The following USF1 variants were observed in gnomAD, a reference collection of about 807,000 sequenced individuals.
USF1 encodes the protein upstream stimulatory factor 1.
In USF1, 22 loss-of-function variants were observed where a neutral mutation model predicts 46.3. That is an observed-to-expected ratio of 0.47 (90% CI 0.34 to 0.68). USF1 has a LOEUF of 0.68. USF1 is among the 30% of genes least tolerant of loss of function. USF1 has a pLI of 0.01. For missense variants in USF1, 287 were observed against 399.3 expected, an observed-to-expected ratio of 0.72 and a Z score of 2.40; for synonymous variants, 150 against 147.0, an observed-to-expected ratio of 1.02 and a Z score of -0.15.
rs762149343 is a variant in USF1, at chr1:161,042,210, T to C, written c.182A>G (p.Tyr61Cys). 6.2e-7 allele frequency: 1 copy of C among 1,613,392 alleles called. No homozygotes were observed. Among genetic ancestry groups the C allele is most frequent in the South Asian group, 1.1e-5 (1 of 91,004 alleles). ...FRTENGGQVM[Y>C]RVIQVSEGQL... ...CCCCTCAGACACCTGGATCACCCTG[T>C]ACATCACCTAGAAGTGTAGAGGAAG... Residue 61 changes from tyrosine (Y) to cysteine (C), a missense_variant, in exon 5 of 11, where the codon TAC becomes TGC. Tyr to Cys is a radical substitution (Grantham distance 194). Transcript: ENST00000368021.
rs1000010156 is a variant in USF1 at position 161,040,145 on chromosome 1, A to G, written c.843+57T>C. The G allele has an allele frequency of 1.8e-5, 29 of 1,611,180 alleles. 1 individual carries two copies. In the African/African-American group the frequency reaches 3.7e-4, roughly 21 times the overall value. On this transcript the variant is annotated intron_variant, in intron 10 of 10. Transcript: ENST00000368021. This position sits in a 1 kb window ranked among gnomAD's most constrained non-coding sequence, Gnocchi z 4.0. Reference sequence around the variant, plus strand: ...ATGGAGAACAAAGTAGAGGGTGTCAAACTGGGTCAGTGGCTAGCAGAACTG... The same window carrying G: ...ATGGAGAACAAAGTAGAGGGTGTCAGACTGGGTCAGTGGCTAGCAGAACTG...
chr1:161,041,287 C>T, intron 7 of USF1, 37 bp downstream of exon 7: 1 of 1,125,724 alleles, frequency 8.9e-7, no homozygotes, highest in Non-Finnish European at 1.3e-6. Context: ...AAAAAAAAAC[C>T]ACTTACGGAA....
In USF1 at chr1:161,042,550, C is replaced by T. The variant is rs552690907; in HGVS notation, c.174+5G>A. The T allele has an allele frequency of 6.2e-7, 1 of 1,614,036 alleles. No individual in the cohort carries two copies. Among genetic ancestry groups the T allele is most frequent in the African/African-American group, 1.3e-5 (1 of 75,044 alleles). ...CACCTGCAGCCACCTGGCCCCCTCC[C>T]TTACCTGGCCCCCATTCTCAGTTCG... On this transcript the variant is annotated splice_donor_5th_base_variant and intron_variant, in intron 4 of 10. Transcript: ENST00000368021.
Position 161,042,546 on chromosome 1 carries a change from C to T in USF1, c.174+9G>A. On this transcript the variant is annotated intron_variant, in intron 4 of 10. Coordinates refer to ENST00000368021, the MANE Select transcript of USF1 (RefSeq NM_007122.5). The stretch of plus-strand genomic sequence containing the variant: ...ATAACACCTGCAGCCACCTGGCCCC[C>T]TCCCTTACCTGGCCCCCATTCTCAG... The T allele has an allele frequency of 3.1e-6, 5 of 1,613,962 alleles. No homozygotes were observed. In the South Asian group the frequency reaches 5.5e-5, roughly 18 times the overall value.
chr1:161,042,171 T>G lies in USF1; in HGVS notation c.221A>C (p.Gln74Pro). 6.2e-7 allele frequency: 1 copy of G among 1,614,072 alleles called. No individual in the cohort carries two copies. Among genetic ancestry groups the G allele is most frequent in the Non-Finnish European group, 8.5e-7 (1 of 1,179,988 alleles). The change falls in exon 5 of 11, where the codon CAA becomes CCA. Residue 74 changes from glutamine (Q) to proline (P), a missense_variant. Gln to Pro is a moderately conservative substitution (Grantham distance 76). Coordinates refer to ENST00000368021, the MANE Select transcript of USF1 (RefSeq NM_007122.5). ...ACTGATGGCGCCAGTTCCCTCAGTT[T>G]GGCCATCCAGCTGCCCCTCAGACAC... ...IQVSEGQLDG[Q>P]TEGTGAISGY... is the part of the protein sequence containing the mutation.
In USF1 at chr1:161,042,164, C is replaced by A. The variant is rs985417044; in HGVS notation, c.228G>T (p.Glu76Asp). Residue 76 changes from glutamate (E) to aspartate (D), a missense_variant, in exon 5 of 11, where the codon GAG (glutamate) becomes GAT (aspartate). Glu to Asp is a conservative substitution (Grantham distance 45, BLOSUM62 2). Transcript: ENST00000368021. ...GGTAGCCACTGATGGCGCCAGTTCC[C>A]TCAGTTTGGCCATCCAGCTGCCCCT... Reference protein sequence around the residue: ...VSEGQLDGQTEGTGAISGYPA... With the variant: ...VSEGQLDGQTDGTGAISGYPA... 6.2e-6 allele frequency: 10 copies of A among 1,614,044 alleles called. No individual in the cohort carries two copies. Among genetic ancestry groups the A allele is most frequent in the Non-Finnish European group, 8.5e-7 (1 of 1,179,964 alleles).
chr1:161,041,277 A>C lies in USF1; in HGVS notation c.560+47T>G, dbSNP rs754101185. Reference sequence around the variant, plus strand: ...ACTCTGTCTCAAAAAAAAAAAAAAAAAAAAAAAACCACTTACGGAATCTGA... The same window carrying C: ...ACTCTGTCTCAAAAAAAAAAAAAAACAAAAAAAACCACTTACGGAATCTGA... On this transcript the variant is annotated intron_variant, in intron 7 of 10. Coordinates refer to ENST00000368021, the MANE Select transcript of USF1 (RefSeq NM_007122.5). The C allele has an allele frequency of 1.9e-5, 27 of 1,428,234 alleles. No individual in the cohort carries two copies. The East Asian group carries it at 2.4e-4, about 13-fold the overall frequency. 88.5% of individuals were successfully genotyped at this position (1,428,234 alleles called of 1,614,324 possible).
At chr1:161,041,628 A>T in intron 6 of USF1, 23 bp downstream of exon 6, 1 of 1,594,036 alleles carries the variant, frequency 6.3e-7, no homozygotes, top group Admixed American at 1.7e-5. Context: ...CCTTTCAGCC[A>T]GCATCCTCAT....
At chr1:161,044,115 G>A (rs1317817639) in intron 1 of USF1, among the ~76,000 whole-genome samples, 2 of 151,800 alleles carry the variant, frequency 1.3e-5, no homozygotes, top group African/African-American at 2.4e-5. Flanking sequence ...GCTAATTTTT[G>A]TATTTTCAGT....
chr1:161,043,620 C>CTTTTT (rs34611572), intron 1 of USF1, among the ~76,000 whole-genome samples: 1 of 119,606 alleles, frequency 8.4e-6, no homozygotes, highest in African/African-American at 3.0e-5. Flanking sequence ...AGAAACAACA[C>CTTTTT]TTTTTTTTTT....
intron 1 of USF1, among the ~76,000 whole-genome samples, chr1:161,044,649 A>G (rs898980320): frequency 2.6e-5 from 4 of 152,004 alleles, no homozygotes; most frequent in Non-Finnish European, 4.4e-5. Context: ...AAATGTTGCT[A>G]TGACAACTCC....
At position 161,040,096 on chromosome 1, in the gene USF1, G is replaced by T; in HGVS notation, c.844-87C>A. ...AATGTATTCAGACATCCACTGGTGA[G>T]GGGGAAAAGATGAAGCCTTCTCCAT... On this transcript the variant is annotated intron_variant, in intron 10 of 10. Transcript: ENST00000368021. The surrounding 1 kb of genome is among the most constrained non-coding windows in gnomAD (Gnocchi z 4.0). 1 of 1,609,644 alleles carries T rather than the reference G, an allele frequency of 6.2e-7. No homozygotes were observed.
chr1:161,045,704 G>T (rs911672485), intron 1 of USF1, among the ~76,000 whole-genome samples, 154 bp downstream of exon 1: 27 of 152,358 alleles, frequency 1.8e-4, no homozygotes, highest in Non-Finnish European at 2.1e-4. Context: ...CACAAAGCAG[G>T]GTATGAGATA....
At position 161,042,197 on chromosome 1, in the gene USF1, C is replaced by T; in HGVS notation, c.195G>A (p.Gln65=). Residue 65 remains glutamine (Q), a synonymous_variant, in exon 5 of 11, where the codon CAG becomes CAA. Transcript: ENST00000368021. Reference sequence around the variant, plus strand: ...GGCCATCCAGCTGCCCCTCAGACACCTGGATCACCCTGTACATCACCTAGA... The same window carrying T: ...GGCCATCCAGCTGCCCCTCAGACACTTGGATCACCCTGTACATCACCTAGA... ...NGGQVMYRVI[Q]VSEGQLDGQT... The T allele has an allele frequency of 1.2e-6, 2 of 1,613,944 alleles. No individual in the cohort carries two copies. Among genetic ancestry groups the T allele is most frequent in the Non-Finnish European group, 1.7e-6 (2 of 1,179,924 alleles).
chr1:161,042,002 G>T, intron 5 of USF1, 114 bp downstream of exon 5: 1 of 1,352,688 alleles, frequency 7.4e-7, no homozygotes, highest in Non-Finnish European at 1.0e-6. Context: ...TAGTGCTTTG[G>T]GACAAGGCAG....
In USF1 at chr1:161,040,089, C is replaced by A. The variant is rs907940053; in HGVS notation, c.844-80G>T. On this transcript the variant is annotated intron_variant, in intron 10 of 10. Coordinates refer to ENST00000368021, the MANE Select transcript of USF1 (RefSeq NM_007122.5). The surrounding 1 kb of genome is among the most constrained non-coding windows in gnomAD (Gnocchi z 4.0). Reference sequence around the variant, plus strand: ...GCCCCTGAATGTATTCAGACATCCACTGGTGAGGGGGAAAAGATGAAGCCT... The same window carrying A: ...GCCCCTGAATGTATTCAGACATCCAATGGTGAGGGGGAAAAGATGAAGCCT... 10 of 1,610,822 alleles carry A rather than the reference C, an allele frequency of 6.2e-6. No homozygotes were observed. The highest frequency in any genetic ancestry group is 1.7e-5 in the Admixed American group (1 of 59,858).
intron 7 of USF1, 138 bp from the exon 8 acceptor site, chr1:161,041,010 C>G: frequency 8.7e-7 from 1 of 1,145,216 alleles, no homozygotes; most frequent in Non-Finnish European, 1.2e-6. Flanking sequence ...ACCTGTAATC[C>G]CAGCACTTTG....
Position 161,039,272 on chromosome 1 carries a change from T to TAAAAAAAAA in USF1, c.*639_*647dup, listed in dbSNP as rs748404757. ...ACTGTGGCTTTGAACAATTTTATCT[T>TAAAAAAAAA]AAAAAAAAAAAAAAAAAAAAAAAAA... On this transcript the variant is annotated 3_prime_UTR_variant, in exon 11 of 11. Transcript: ENST00000368021. 4 of 59,198 alleles carry TAAAAAAAAA rather than the reference T, an allele frequency of 6.8e-5. No individual in the cohort carries two copies. Among genetic ancestry groups the TAAAAAAAAA allele is most frequent in the Non-Finnish European group, 1.1e-4 (4 of 34,840 alleles). 3.7% of individuals were successfully genotyped at this position (59,198 alleles called of 1,614,324 possible). A position where few individuals can be genotyped will look rare whatever the true frequency, so the allele number is the denominator to read the frequency against.
chr1:161,043,588 G>A (rs1650666730), intron 1 of USF1, among the ~76,000 whole-genome samples: 1 of 151,068 alleles, frequency 6.6e-6, no homozygotes, highest in African/African-American at 2.4e-5. Flanking sequence ...CTGGTGGAGA[G>A]TGGATAATTA....
Sources: allele counts gnomAD v4.1 joint callset (sites outside exome capture counted in the v4.1 genomes callset), GRCh38; gene constraint gnomAD v4.1.1; non-coding constraint Gnocchi (gnomAD v3.1); transcripts MANE v1.5; gene names NCBI Gene and HGNC (gene_info 2026-07-23, HGNC 2026-07-21).